The following DTNB variants were observed in gnomAD, a reference collection of about 807,000 sequenced individuals.
DTNB encodes DTN-B.
A neutral mutation model predicts 90.7 loss-of-function variants in DTNB; 63 were observed. The observed-to-expected ratio is 0.69, with a 90% CI of 0.57 to 0.86. DTNB has a LOEUF of 0.86. Among genes scored for constraint, DTNB ranks in the 40% least tolerant of loss-of-function variants. The pLI is 0.00. For synonymous variants in DTNB, 277 were observed against 286.7 expected (o/e 0.97, Z 0.34); for missense variants, 744 against 807.1 (o/e 0.92, Z 0.95).
Position 25,388,254 on chromosome 2 carries a change from C to G in DTNB, c.1683G>C (p.Pro561=). The G allele has an allele frequency of 6.2e-7, 1 of 1,607,132 alleles. No individual in the cohort carries two copies. The highest frequency in any genetic ancestry group is 8.5e-7 in the Non-Finnish European group (1 of 1,177,236). Residue 561 remains proline, a synonymous_variant, in exon 17 of 21, where the codon CCG becomes CCC. Transcript: ENST00000406818. The part of the protein sequence containing the change: ...TSAGSTPTHC[P]QDSLSGVGGD... ...CCCCGACTCCGCTCAGCGAGTCCTG[C>G]GGACAGTGGGTGGGGGTGGAGCCGG...
At chr2:25,566,042 A>G (rs1055746640) in intron 8 of DTNB, among the ~76,000 whole-genome samples, 17 of 152,208 alleles carry the variant, frequency 1.1e-4, no homozygotes, top group African/African-American at 4.1e-4. Flanking sequence ...ATAAGGCAAA[A>G]GGGAGATTAC....
intron 6 of DTNB, 46 bp downstream of exon 6, chr2:25,596,039 AG>A: frequency 6.7e-7 from 1 of 1,485,840 alleles, no homozygotes; most frequent in South Asian, 1.5e-5. Context: ...AGGTGAAGGG[AG>A]GGAAGAGCGC....
At chr2:25,479,840 G>A (rs537369287) in intron 10 of DTNB, among the ~76,000 whole-genome samples, 28 of 152,246 alleles carry the variant, frequency 1.8e-4, no homozygotes, top group Admixed American at 2.0e-4. Flanking sequence ...AGTGATTGAC[G>A]TCTTAGGATG....
intron 9 of DTNB, among the ~76,000 whole-genome samples, chr2:25,505,687 TTC>T (rs1474020545): frequency 2.0e-5 from 3 of 152,174 alleles, no homozygotes; most frequent in Admixed American, 6.5e-5. Flanking sequence ...TAAACCTTAT[TTC>T]TCTCTTTCCT....
chr2:25,487,736 T>C (rs1267459068), intron 9 of DTNB, among the ~76,000 whole-genome samples: 2 of 152,198 alleles, frequency 1.3e-5, no homozygotes, highest in African/African-American at 2.4e-5. Flanking sequence ...GTATGTAAAA[T>C]GGCATAGAAA....
At chr2:25,638,565 C>T (rs543504358) in intron 3 of DTNB, among the ~76,000 whole-genome samples, 1 of 152,146 alleles carries the variant, frequency 6.6e-6, no homozygotes, top group African/African-American at 2.4e-5. Flanking sequence ...TATATACAGA[C>T]ACACACACAC....
chr2:25,538,244 T>A (rs1404512745), intron 8 of DTNB, among the ~76,000 whole-genome samples: 1 of 151,802 alleles, frequency 6.6e-6, no homozygotes, highest in Admixed American at 6.6e-5. Context: ...AAAATATATA[T>A]ATATCCAAAC....
chr2:25,596,380 A>C (rs1371436346), intron 5 of DTNB, 140 bp from the exon 6 acceptor site: 1 of 1,016,706 alleles, frequency 9.8e-7, no homozygotes, highest in African/African-American at 1.7e-5. Flanking sequence ...GTTAATATTA[A>C]AACTATTCTC....
chr2:25,434,013 G>T lies in DTNB; in HGVS notation c.1258-18C>A. 1 of 1,587,864 alleles carries T rather than the reference G, an allele frequency of 6.3e-7. No homozygotes were observed. The highest frequency in any genetic ancestry group is 1.1e-5 in the South Asian group (1 of 88,156). ...GGACGAGTCTAAAGTGGGGAAGTCG[G>T]GAGAAAGTTTTTTTTTTTCTGATCC... On this transcript the variant is annotated intron_variant, in intron 12 of 20. Transcript: ENST00000406818.
At chr2:25,524,401 CTTT>C (rs369653199) in intron 9 of DTNB, among the ~76,000 whole-genome samples, 110 of 114,600 alleles carry the variant, frequency 9.6e-4, no homozygotes, top group African/African-American at 3.1e-3. Flanking sequence ...TCTACCAGAG[CTTT>C]TTTTTTTTTT....
intron 9 of DTNB, among the ~76,000 whole-genome samples, chr2:25,529,307 G>A (rs1443116623): frequency 1.3e-5 from 2 of 152,130 alleles, no homozygotes; most frequent in Non-Finnish European, 1.5e-5. Context: ...TTCAAATGCA[G>A]AAAGCGAGCG....
At chr2:25,396,434 C>T (rs143165055) in intron 16 of DTNB, among the ~76,000 whole-genome samples, 5,273 of 151,916 alleles carry the variant, frequency 0.035, 147 homozygotes, top group Non-Finnish European at 0.043. Flanking sequence ...TCCCTTGAAC[C>T]CAGGAGGCGG....
intron 8 of DTNB, among the ~76,000 whole-genome samples, chr2:25,532,245 C>CAAAAAAAAAAAAAA: frequency 1.3e-5 from 1 of 74,304 alleles, no homozygotes; most frequent in Non-Finnish European, 2.9e-5. Context: ...AACTCTGTCT[C>CAAAAAAAAAAAAAA]AAAAAAAAAA....
At chr2:25,486,053 C>T (rs1290124809) in intron 9 of DTNB, among the ~76,000 whole-genome samples, 1 of 151,312 alleles carries the variant, frequency 6.6e-6, no homozygotes, top group Non-Finnish European at 1.5e-5. Context: ...ACCCGGGAGG[C>T]GGAGGTTGCA....
intron 16 of DTNB, among the ~76,000 whole-genome samples, chr2:25,413,169 C>T (rs1407793267): frequency 6.6e-6 from 1 of 151,952 alleles, no homozygotes; most frequent in Non-Finnish European, 1.5e-5. Context: ...AATAATAATA[C>T]TAATCAGCTT....
intron 2 of DTNB, chr2:25,639,396 C>T: frequency 4.6e-6 from 1 of 216,578 alleles, no homozygotes; most frequent in Non-Finnish European, 9.2e-6. Flanking sequence ...GGGAGTAGGG[C>T]AGCATCGTGA....
intron 10 of DTNB, among the ~76,000 whole-genome samples, chr2:25,467,030 T>C (rs1174506412): frequency 1.3e-5 from 2 of 152,192 alleles, no homozygotes; most frequent in Admixed American, 1.3e-4. Context: ...AGATAGTCCT[T>C]CTACCAGTTA....
intron 8 of DTNB, among the ~76,000 whole-genome samples, chr2:25,554,236 G>A (rs563572251): frequency 1.4e-4 from 22 of 152,316 alleles, no homozygotes; most frequent in Non-Finnish European, 3.2e-4. Context: ...GCATTCAAAT[G>A]GAGACAGGGG....
chr2:25,522,701 C>CTTT (rs201567111), intron 9 of DTNB, among the ~76,000 whole-genome samples: 2 of 133,476 alleles, frequency 1.5e-5, no homozygotes, highest in African/African-American at 2.8e-5. Context: ...AAACTGAGGT[C>CTTT]TTTTTTTTTT....
Sources: gnomAD v4.1 joint callset for allele counts (sites outside exome capture counted in the v4.1 genomes callset) on GRCh38, gnomAD v4.1.1 for gene constraint, MANE v1.5 for transcripts, NCBI Gene and HGNC (gene_info 2026-07-23, HGNC 2026-07-21) for gene names.